The following PCDHA1 variants were observed in gnomAD, a reference collection of about 807,000 sequenced individuals.
PCDHA1 encodes protocadherin alpha 1.
PCDHA1 carries 42 observed loss-of-function variants against 61.3 expected under a neutral mutation model. That is an observed-to-expected ratio of 0.69 (90% CI 0.54 to 0.89). The LOEUF (loss-of-function observed/expected upper bound fraction) is 0.89. Among genes scored for constraint, PCDHA1 ranks in the 40% least tolerant of loss-of-function variants. PCDHA1 has a pLI of 0.00. For synonymous variants in PCDHA1, 610 were observed against 553.8 expected (o/e 1.10, Z -1.43); for missense variants, 1,256 against 1,235.3 (o/e 1.02, Z -0.25).
rs782634199 is a variant in PCDHA1 at position 140,882,705 on chromosome 5, G to A, written c.2394+94021G>A. The A allele has an allele frequency of 3.7e-6, 6 of 1,614,172 alleles. No individual in the cohort carries two copies. The South Asian group carries it at 6.6e-5, about 18-fold the overall frequency. On this transcript the variant is annotated intron_variant, in intron 1 of 3. Transcript: ENST00000504120. ...AAACGAATAATCATTGCAGAATCTA[G>A]ACCTCCGGAAACTCGATTTCCACTA...
rs143182337 is a variant in PCDHA1 at position 140,938,958 on chromosome 5, G to A, written c.2395-39991G>A. On this transcript the variant is annotated intron_variant, in intron 1 of 3. Coordinates refer to ENST00000504120, the MANE Select transcript of PCDHA1 (RefSeq NM_018900.4). ...TTTCCATTCTTATAATGCTCTAGTC[G>A]GAGTTTGGCATCAAGGCTATCCTGG... 3.2e-3 allele frequency among the ~76,000 whole-genome samples: 486 copies of A among 152,204 alleles called. 2 individuals carry two copies. Among genetic ancestry groups the A allele is most frequent in the Middle Eastern group, 0.014 (4 of 294 alleles).
intron 1 of PCDHA1, chr5:140,841,412 C>T (rs2150314878): frequency 6.2e-7 from 1 of 1,613,052 alleles, no homozygotes; most frequent in Admixed American, 1.7e-5. Context: ...GAGCGGCCAG[C>T]TCCACTACTC....
At chr5:141,009,602 T>G in intron 3 of PCDHA1, 25 bp from the exon 4 acceptor site, 1 of 1,608,136 alleles carries the variant, frequency 6.2e-7, no homozygotes, top group Non-Finnish European at 8.5e-7. Flanking sequence ...ACCCTGTTAA[T>G]GATTTGTAAT....
At chr5:140,856,734 T>C in intron 1 of PCDHA1, 1 of 1,596,648 alleles carries the variant, frequency 6.3e-7, no homozygotes. Context: ...TCTCTGCTGA[T>C]CCTGGTGTTA....
intron 1 of PCDHA1, among the ~76,000 whole-genome samples, chr5:140,892,084 C>G (rs1233800772): frequency 6.6e-6 from 1 of 151,992 alleles, no homozygotes; most frequent in African/African-American, 2.4e-5. Flanking sequence ...TTCTAGTTTC[C>G]TCTCGAAACT....
chr5:140,821,988 G>T, intron 1 of PCDHA1: 1 of 1,614,188 alleles, frequency 6.2e-7, no homozygotes, highest in African/African-American at 1.3e-5. Context: ...AGGGCCGCGG[G>T]GACCTTCTGG....
At chr5:140,878,274 C>A (rs1273765492) in intron 1 of PCDHA1, among the ~76,000 whole-genome samples, 2 of 152,092 alleles carry the variant, frequency 1.3e-5, no homozygotes, top group Non-Finnish European at 2.9e-5. Context: ...TTTAAAATAG[C>A]CTTCTTGATC....
intron 1 of PCDHA1, chr5:140,862,433 G>C (rs781821294): frequency 2.8e-6 from 1 of 354,766 alleles, no homozygotes; most frequent in African/African-American, 2.1e-5. Context: ...GAAACTATTC[G>C]TTGGTACTCC....
Position 140,786,978 on chromosome 5 carries a change from A to G in PCDHA1, c.688A>G (p.Ile230Val). 1.9e-6 allele frequency: 3 copies of G among 1,614,176 alleles called. No individual in the cohort carries two copies. The highest frequency in any genetic ancestry group is 2.5e-6 in the Non-Finnish European group (3 of 1,180,022). Residue 230 changes from isoleucine (I) to valine (V), a missense_variant, in exon 1 of 4, where the codon ATC becomes GTC. Coordinates refer to ENST00000504120, the MANE Select transcript of PCDHA1 (RefSeq NM_018900.4). ...GCTGCAAGGTACAGTTGAGCTGCTGATCACCGTCCTCGACGTTAATGATAA... is the reference window on the plus strand; with the variant it reads ...GCTGCAAGGTACAGTTGAGCTGCTGGTCACCGTCCTCGACGTTAATGATAA... ...PELQGTVELL[I>V]TVLDVNDNAP...
chr5:140,843,027 G>A (rs2150350429), intron 1 of PCDHA1: 1 of 1,595,166 alleles, frequency 6.3e-7, no homozygotes, highest in South Asian at 1.1e-5. Flanking sequence ...CTGGAGCCTC[G>A]GGTGGGTGGC....
chr5:140,813,414 T>A (rs1343371615), intron 1 of PCDHA1: 3 of 152,234 alleles, frequency 2.0e-5, no homozygotes, highest in South Asian at 2.1e-4. Context: ...CCTGTACATA[T>A]GTTAACTGTA....
chr5:140,809,266 G>A, intron 1 of PCDHA1: 1 of 1,614,114 alleles, frequency 6.2e-7, no homozygotes, highest in Non-Finnish European at 8.5e-7. Context: ...ATGCTGCGCT[G>A]GTGGATGTCA....
At chr5:140,807,306 A>G (rs782721399) in intron 1 of PCDHA1, 2 of 1,614,120 alleles carry the variant, frequency 1.2e-6, no homozygotes, top group Admixed American at 1.7e-5. Context: ...GAGGAGGCCA[A>G]ACACGGCACC....
rs999939821 is a variant in PCDHA1, at chr5:140,972,909, G to A, written c.2395-6040G>A. ...GATCTCTTGACCTTGTGATCCACCC[G>A]CCTTGGCCTCCCAAAGTGCTGGGAT... is the stretch of plus-strand genomic sequence containing the variant. On this transcript the variant is annotated intron_variant, in intron 1 of 3. Transcript: ENST00000504120. 5.3e-4 allele frequency among the ~76,000 whole-genome samples: 80 copies of A among 152,056 alleles called. 1 individual carries two copies. Among genetic ancestry groups the A allele is most frequent in the African/African-American group, 1.8e-3 (75 of 41,484 alleles).
In PCDHA1 at chr5:140,786,961, G is replaced by A. The variant is rs191020588; in HGVS notation, c.671G>A (p.Gly224Asp). The change falls in exon 1 of 4, where the codon GGT (glycine) becomes GAT (aspartate). Residue 224 changes from glycine to aspartate, a missense_variant. Physicochemically the swap from Gly to Asp is moderately conservative, Grantham distance 94. Coordinates refer to ENST00000504120, the MANE Select transcript of PCDHA1 (RefSeq NM_018900.4). ...ATDGGKPELQ[G>D]TVELLITVLD... Reference sequence around the variant, plus strand: ...GATGGGGGCAAACCGGAGCTGCAAGGTACAGTTGAGCTGCTGATCACCGTC... The same window carrying A: ...GATGGGGGCAAACCGGAGCTGCAAGATACAGTTGAGCTGCTGATCACCGTC... 1.6e-4 allele frequency: 259 copies of A among 1,614,140 alleles called. No homozygotes were observed. Among genetic ancestry groups the A allele is most frequent in the Middle Eastern group, 3.3e-4 (2 of 6,062 alleles).
At chr5:140,847,009 T>G (rs1780816378) in intron 1 of PCDHA1, among the ~76,000 whole-genome samples, 1 of 149,542 alleles carries the variant, frequency 6.7e-6, no homozygotes, top group Non-Finnish European at 1.5e-5. Flanking sequence ...TTGAGAATGA[T>G]AGACATTTCT....
At chr5:140,882,899 T>C (rs956861597) in intron 1 of PCDHA1, 1 of 1,614,228 alleles carries the variant, frequency 6.2e-7, no homozygotes. Context: ...ACATAGTTTA[T>C]TACTGACAGC....
At chr5:140,920,841 TAAA>T (rs781921146) in intron 1 of PCDHA1, among the ~76,000 whole-genome samples, 2 of 109,226 alleles carry the variant, frequency 1.8e-5, no homozygotes, top group Non-Finnish European at 3.9e-5. Context: ...AGACCAAATC[TAAA>T]AAAAAAAAAA....
intron 1 of PCDHA1, among the ~76,000 whole-genome samples, chr5:140,896,384 C>T (rs778057567): frequency 2.0e-5 from 3 of 152,172 alleles, no homozygotes; most frequent in Non-Finnish European, 4.4e-5. Flanking sequence ...TCTGCAACCT[C>T]ACCAGCATCT....
Sources: allele counts gnomAD v4.1 joint callset (sites outside exome capture counted in the v4.1 genomes callset), GRCh38; gene constraint gnomAD v4.1.1; transcripts MANE v1.5; gene names NCBI Gene and HGNC (gene_info 2026-07-23, HGNC 2026-07-21).